SELENOI: variants seen among roughly 807,000 people sequenced by gnomAD.
SELENOI encodes the protein ethanolaminephosphotransferase 1.
SELENOI carries 24 observed loss-of-function variants against 50.7 expected under a neutral mutation model. The ratio of observed to expected loss-of-function variants is 0.47; its 90% CI spans 0.34 to 0.67. The LOEUF (loss-of-function observed/expected upper bound fraction) is 0.67, where lower values mean the gene tolerates loss of function less well. Among genes scored for constraint, SELENOI ranks in the 30% least tolerant of loss-of-function variants. The pLI is 0.01. For synonymous variants in SELENOI, 155 were observed against 170.2 expected (o/e 0.91, Z 0.70); for missense variants, 352 against 461.4 (o/e 0.76, Z 2.17).
chr2:26,384,282 A>G (rs1677792276), intron 7 of SELENOI, among the ~76,000 whole-genome samples: 1 of 152,276 alleles, frequency 6.6e-6, no homozygotes, highest in Non-Finnish European at 1.5e-5. Context: ...AGTTATTTAT[A>G]GAAGCCATAC....
chr2:26,350,078 G>C (rs1014637650), intron 1 of SELENOI, among the ~76,000 whole-genome samples: 5 of 151,572 alleles, frequency 3.3e-5, no homozygotes, highest in African/African-American at 1.2e-4. Flanking sequence ...CTGTTTTGCA[G>C]CCTGAGCAAC....
intron 1 of SELENOI, among the ~76,000 whole-genome samples, chr2:26,363,608 G>A (rs1009784413): frequency 6.6e-6 from 1 of 152,176 alleles, no homozygotes; most frequent in Admixed American, 6.5e-5. Context: ...AACAACCACT[G>A]TATGATTAAC....
At chr2:26,370,149 A>G (rs1267319053) in intron 4 of SELENOI, among the ~76,000 whole-genome samples, 3 of 151,524 alleles carry the variant, frequency 2.0e-5, no homozygotes, top group East Asian at 3.9e-4. Context: ...GACACAGCAC[A>G]TGTTTCAGAG....
intron 1 of SELENOI, among the ~76,000 whole-genome samples, chr2:26,361,166 A>G (rs190040497): frequency 1.3e-3 from 201 of 152,318 alleles, no homozygotes; most frequent in African/African-American, 4.7e-3. Flanking sequence ...GTGAGCCAAG[A>G]TCGCGCCACT....
At chr2:26,377,288 C>T (rs911125106) in intron 6 of SELENOI, among the ~76,000 whole-genome samples, 2 of 151,582 alleles carry the variant, frequency 1.3e-5, no homozygotes, top group African/African-American at 4.8e-5. Context: ...TTTCTTCTGC[C>T]ATCTCCAATA....
chr2:26,383,379 A>G (rs1677750323), intron 7 of SELENOI, 32 bp downstream of exon 7: 4 of 1,452,104 alleles, frequency 2.8e-6, no homozygotes, highest in Non-Finnish European at 3.7e-6. Flanking sequence ...TGGGCAAGAA[A>G]TATGAAAAGT....
At chr2:26,346,397 G>A in intron 1 of SELENOI, 108 bp downstream of exon 1, 2 of 1,332,842 alleles carry the variant, frequency 1.5e-6, no homozygotes, top group Admixed American at 3.1e-5. Context: ...GGCTCCGGGC[G>A]GGCTGGCGGG....
In SELENOI at chr2:26,383,306, A is replaced by G. The variant is rs754579661; in HGVS notation, c.690A>G (p.Ala230=). The change falls in exon 7 of 10, where the codon GCA becomes GCG. Residue 230 remains alanine, a synonymous_variant. Coordinates refer to ENST00000260585, the MANE Select transcript of SELENOI (RefSeq NM_033505.4). ...DLFTAMIIGC[A]LCVTLPMSLL... is the part of the protein sequence containing the mutation. ...AATAATTATTCCCTTTAGGTTGTGC[A>G]TTATGTGTGACTCTTCCAATGAGTT... 1.3e-6 allele frequency: 2 copies of G among 1,536,388 alleles called. No individual in the cohort carries two copies. The highest frequency in any genetic ancestry group is 1.4e-5 in the African/African-American group (1 of 73,164).
At chr2:26,379,178 C>T (rs1397979782) in intron 6 of SELENOI, among the ~76,000 whole-genome samples, 1 of 152,110 alleles carries the variant, frequency 6.6e-6, no homozygotes, top group Non-Finnish European at 1.5e-5. Flanking sequence ...GCAGGAGAAT[C>T]GCTTGAACCT....
Position 26,364,319 on chromosome 2 carries a change from C to T in SELENOI, c.75C>T (p.Thr25=). ...FDKYKYSAVD[T]NPLSLYVMHP... is the part of the protein sequence containing the mutation. ...CTTAACAGTACAGTGCTGTGGATAC[C>T]AATCCACTTTCTCTGTATGTCATGC... is the stretch of plus-strand genomic sequence containing the variant. The change falls in exon 2 of 10, where the codon ACC becomes ACT. Residue 25 remains threonine, a synonymous_variant. Transcript: ENST00000260585. 1 of 1,557,784 alleles carries T rather than the reference C, an allele frequency of 6.4e-7. No individual in the cohort carries two copies.
intron 4 of SELENOI, among the ~76,000 whole-genome samples, chr2:26,370,767 G>A (rs867470726): frequency 1.0e-4 from 13 of 126,004 alleles, no homozygotes; most frequent in Admixed American, 2.3e-4. Context: ...CCTCCCGGAC[G>A]GGGCGGCTGG....
chr2:26,378,400 A>G (rs1230620248), intron 6 of SELENOI, among the ~76,000 whole-genome samples: 8 of 152,058 alleles, frequency 5.3e-5, no homozygotes, highest in South Asian at 2.1e-4. Context: ...CTCTTTCACT[A>G]TGTTCTGTGG....
intron 7 of SELENOI, among the ~76,000 whole-genome samples, chr2:26,384,348 A>G (rs7565956): frequency 3.3e-5 from 5 of 152,190 alleles, no homozygotes; most frequent in East Asian, 1.9e-4. Context: ...TTCTCATTTT[A>G]TAACAACGAG....
chr2:26,384,208 C>T lies in SELENOI; in HGVS notation c.732-751C>T, dbSNP rs536984972. Among the ~76,000 whole-genome samples, 36 of 152,326 alleles carry T rather than the reference C, an allele frequency of 2.4e-4. 1 individual carries two copies. The South Asian group carries it at 5.2e-3, about 22-fold the overall frequency. On this transcript the variant is annotated intron_variant, in intron 7 of 9. Transcript: ENST00000260585. Reference sequence around the variant, plus strand: ...CTTCATCCTTTAGCTCTCAAATCTGCGTAGCAGAATCTTATTTATGTTAAA... The same window carrying T: ...CTTCATCCTTTAGCTCTCAAATCTGTGTAGCAGAATCTTATTTATGTTAAA...
intron 6 of SELENOI, among the ~76,000 whole-genome samples, chr2:26,382,470 T>C (rs932834973): frequency 6.6e-6 from 1 of 152,226 alleles, no homozygotes; most frequent in Non-Finnish European, 1.5e-5. Context: ...GAAAGCTTGG[T>C]AAATTTCAAG....
At chr2:26,369,149 C>A (rs1002093745) in intron 4 of SELENOI, among the ~76,000 whole-genome samples, 1 of 152,302 alleles carries the variant, frequency 6.6e-6, no homozygotes, top group Admixed American at 6.5e-5. Context: ...ACAGGCTCTT[C>A]TGTTTCTGCC....
intron 4 of SELENOI, among the ~76,000 whole-genome samples, chr2:26,368,564 C>T (rs1295378365): frequency 6.6e-6 from 1 of 152,112 alleles, no homozygotes; most frequent in Non-Finnish European, 1.5e-5. Flanking sequence ...TGACATTTTG[C>T]TGCAGAAATA....
Position 26,367,283 on chromosome 2 carries a change from A to G in SELENOI, c.310+63A>G, listed in dbSNP as rs1288148035. The G allele has an allele frequency of 1.6e-5, 21 of 1,279,222 alleles. No homozygotes were observed. The East Asian group carries it at 2.3e-4, about 14-fold the overall frequency. 79.2% of individuals were successfully genotyped at this position (1,279,222 alleles called of 1,614,324 possible). A position where few individuals can be genotyped will look rare whatever the true frequency, so the allele number is the denominator to read the frequency against. On this transcript the variant is annotated intron_variant, in intron 4 of 9. Transcript: ENST00000260585. ...GGTGAATCAGCAAGGATAGCCACGT[A>G]TTAAAATAACATTTTCTCCTGTGCT... is the stretch of plus-strand genomic sequence containing the variant.
chr2:26,389,169 TTGAACTAGAC>T lies in SELENOI; in HGVS notation c.*70_*79del. The T allele has an allele frequency of 3.3e-6, 4 of 1,221,770 alleles. No homozygotes were observed. The highest frequency in any genetic ancestry group is 4.7e-6 in the Non-Finnish European group (4 of 848,854). 75.7% of individuals were successfully genotyped at this position (1,221,770 alleles called of 1,614,324 possible). ...CTTGTAAATATTTCCTCCATCACCA[TTGAACTAGAC>T]TGATCTGCTTGACAGACGTGGGATC... On this transcript the variant is annotated 3_prime_UTR_variant, in exon 10 of 10. Transcript: ENST00000260585.
Sources: gnomAD v4.1 joint callset for allele counts (sites outside exome capture counted in the v4.1 genomes callset) on GRCh38, gnomAD v4.1.1 for gene constraint, MANE v1.5 for transcripts, NCBI Gene and HGNC (gene_info 2026-07-23, HGNC 2026-07-21) for gene names.